The following CCSER2 variants were observed in gnomAD, a reference collection of about 807,000 sequenced individuals.
CCSER2 encodes the protein serine-rich coiled-coil domain-containing protein 2.
CCSER2 carries 46 observed loss-of-function variants against 92.3 expected under a neutral mutation model. The ratio of observed to expected loss-of-function variants is 0.50; its 90% CI spans 0.39 to 0.64. CCSER2 has a LOEUF of 0.64. Among genes scored for constraint, CCSER2 ranks in the 30% least tolerant of loss-of-function variants. CCSER2 has a pLI of 0.00. For missense variants in CCSER2, 1,244 were observed against 1,238.9 expected, an observed-to-expected ratio of 1.00 and a Z score of -0.06; for synonymous variants, 433 against 431.4, an observed-to-expected ratio of 1.00 and a Z score of -0.04.
intron 3 of CCSER2, among the ~76,000 whole-genome samples, chr10:84,385,253 A>G (rs1475504136): frequency 6.6e-6 from 1 of 152,130 alleles, no homozygotes; most frequent in African/African-American, 2.4e-5. Flanking sequence ...TAGAAAAAAC[A>G]ATCCTAAAAT....
intron 1 of CCSER2, among the ~76,000 whole-genome samples, chr10:84,352,669 C>T (rs1844929202): frequency 6.6e-6 from 1 of 152,080 alleles, no homozygotes; most frequent in Non-Finnish European, 1.5e-5. Context: ...GTCCTGATTC[C>T]TGACTCTCTA....
In CCSER2 at chr10:84,381,917, CAA is replaced by C. The variant is rs544545707; in HGVS notation, c.1614+8121_1614+8122del. Among the ~76,000 whole-genome samples the C allele has an allele frequency of 5.2e-3, 626 of 120,006 alleles. 4 individuals carry two copies. Among genetic ancestry groups the C allele is most frequent in the African/African-American group, 0.017 (575 of 33,244 alleles). 78.7% of individuals were successfully genotyped at this position (120,006 alleles called of 152,430 possible). On this transcript the variant is annotated intron_variant, in intron 3 of 9. Transcript: ENST00000372088. ...CCTGGGTGACAGAGCAAGGCTTTCT[CAA>C]AAAAAAAAAAAAAAAAAAGAACATC...
intron 9 of CCSER2, among the ~76,000 whole-genome samples, chr10:84,511,719 C>T (rs1849355358): frequency 6.6e-6 from 1 of 152,156 alleles, no homozygotes; most frequent in Non-Finnish European, 1.5e-5. Flanking sequence ...TATGGTCCTG[C>T]TCTATTTTTT....
chr10:84,488,889 T>A (rs1305900773), intron 9 of CCSER2, among the ~76,000 whole-genome samples: 1 of 152,216 alleles, frequency 6.6e-6, no homozygotes, highest in African/African-American at 2.4e-5. Flanking sequence ...GCTATAAATT[T>A]CCCTCTACAC....
Position 84,496,536 on chromosome 10 carries a change from C to T in CCSER2, c.2326-16913C>T, listed in dbSNP as rs12414682. Among the ~76,000 whole-genome samples the T allele has an allele frequency of 4.6e-3, 705 of 152,116 alleles. 22 individuals carry two copies. The highest frequency in any genetic ancestry group is 0.041 in the Admixed American group (632 of 15,292). On this transcript the variant is annotated intron_variant, in intron 9 of 9. Transcript: ENST00000372088. ...TCCTGACCTCGTGATCTGCCCGCCTCGGCCTCCCAAAGTGCTGGGATTACA... is the reference window on the plus strand; with the variant it reads ...TCCTGACCTCGTGATCTGCCCGCCTTGGCCTCCCAAAGTGCTGGGATTACA...
chr10:84,490,227 C>T (rs1347786035), intron 9 of CCSER2, among the ~76,000 whole-genome samples: 1 of 152,124 alleles, frequency 6.6e-6, no homozygotes, highest in African/African-American at 2.4e-5. Flanking sequence ...CTTGGAGTTG[C>T]TCTTCTCGAG....
intron 1 of CCSER2, among the ~76,000 whole-genome samples, chr10:84,341,819 C>T (rs1384357599): frequency 2.0e-5 from 3 of 152,124 alleles, no homozygotes; most frequent in African/African-American, 7.2e-5. Flanking sequence ...TTATGTTTGC[C>T]CATTTATTAA....
At chr10:84,435,110 A>G (rs1329541531) in intron 5 of CCSER2, among the ~76,000 whole-genome samples, 2 of 152,176 alleles carry the variant, frequency 1.3e-5, no homozygotes, top group Non-Finnish European at 2.9e-5. Flanking sequence ...CTCATGGTGG[A>G]GGTATTTGAA....
intron 1 of CCSER2, among the ~76,000 whole-genome samples, chr10:84,365,407 T>G (rs1024414974): frequency 6.6e-6 from 1 of 152,202 alleles, no homozygotes; most frequent in African/African-American, 2.4e-5. Flanking sequence ...TTCATGAACT[T>G]TTAAAGACAG....
chr10:84,445,891 G>T (rs1022554820), intron 6 of CCSER2, among the ~76,000 whole-genome samples: 1 of 152,002 alleles, frequency 6.6e-6, no homozygotes, highest in Non-Finnish European at 1.5e-5. Context: ...TGTTTATTAT[G>T]AACAGTTTTG....
At chr10:84,353,778 T>C (rs61865019) in intron 1 of CCSER2, among the ~76,000 whole-genome samples, 32,677 of 152,164 alleles carry the variant, frequency 0.21, 3,781 homozygotes, top group Admixed American at 0.35. Flanking sequence ...TGGAAGCCCA[T>C]GTTGATCTCA....
chr10:84,483,953 TTATATATA>T (rs57427963), intron 9 of CCSER2, among the ~76,000 whole-genome samples: 5,563 of 47,130 alleles, frequency 0.12, 171 homozygotes, highest in Non-Finnish European at 0.15. Flanking sequence ...CCCGGCTAAT[TTATATATA>T]TATATATATA....
intron 9 of CCSER2, among the ~76,000 whole-genome samples, chr10:84,489,391 C>T (rs11201063): frequency 0.076 from 11,557 of 152,136 alleles, 489 homozygotes; most frequent in South Asian, 0.17. Flanking sequence ...TTCTAGGTCT[C>T]TAAGGACTTG....
intron 3 of CCSER2, among the ~76,000 whole-genome samples, chr10:84,408,568 C>G (rs1448808603): frequency 6.6e-6 from 1 of 152,038 alleles, no homozygotes; most frequent in Non-Finnish European, 1.5e-5. Flanking sequence ...AGGCTCACTC[C>G]CATTCTTTGA....
chr10:84,372,202 G>C lies in CCSER2; in HGVS notation c.1150G>C (p.Asp384His), dbSNP rs774665507. Residue 384 changes from aspartate (D) to histidine (H), a missense_variant, in exon 2 of 10, where the codon GAT (aspartate) becomes CAT (histidine). By Grantham distance (81) the Asp-to-His change is moderately conservative. Transcript: ENST00000372088. ...RTKNNQTMKH[D>H]AKMRYLSDDV... ...AAAAAACAACCAGACCATGAAACAT[G>C]ATGCTAAAATGAGATACCTGAGTGA... 1.2e-6 allele frequency: 2 copies of C among 1,613,532 alleles called. No individual in the cohort carries two copies. The highest frequency in any genetic ancestry group is 1.1e-5 in the South Asian group (1 of 91,040).
rs945306719 is a variant in CCSER2, at chr10:84,514,250, A to G, written c.3127A>G (p.Lys1043Glu). The stretch of plus-strand genomic sequence containing the variant: ...CTCTAATCGATATTCTCGTCTTCCT[A>G]AACCAAAGATACATTAAGTACATAG... Reference protein sequence around the residue: ...LASNRYSRLPKPKIH With the variant: ...LASNRYSRLPEPKIH Residue 1043 changes from lysine (K) to glutamate (E), a missense_variant, in exon 10 of 10, where the codon AAA (lysine) becomes GAA (glutamate). Lys to Glu is a moderately conservative substitution (Grantham distance 56). Transcript: ENST00000372088. 2.6e-6 allele frequency: 4 copies of G among 1,535,650 alleles called. No individual in the cohort carries two copies. The African/African-American group carries it at 4.1e-5, about 16-fold the overall frequency.
intron 6 of CCSER2, among the ~76,000 whole-genome samples, chr10:84,446,737 T>A (rs564388086): frequency 6.6e-5 from 10 of 152,338 alleles, no homozygotes; most frequent in African/African-American, 2.4e-4. Flanking sequence ...CCTTCCTGAT[T>A]GCAGTACCTT....
intron 1 of CCSER2, among the ~76,000 whole-genome samples, chr10:84,338,084 C>G (rs919871088): frequency 1.3e-5 from 2 of 151,884 alleles, no homozygotes; most frequent in East Asian, 3.8e-4. Context: ...AGTTCGAGAC[C>G]AGCATGACCA....
At chr10:84,346,701 TA>T (rs1844497167) in intron 1 of CCSER2, among the ~76,000 whole-genome samples, 1 of 151,626 alleles carries the variant, frequency 6.6e-6, no homozygotes, top group African/African-American at 2.4e-5. Flanking sequence ...GAGCACATGC[TA>T]CTTCATGGGA....
Sources: gnomAD v4.1 joint callset for allele counts (sites outside exome capture counted in the v4.1 genomes callset) on GRCh38, gnomAD v4.1.1 for gene constraint, MANE v1.5 for transcripts, NCBI Gene and HGNC (gene_info 2026-07-23, HGNC 2026-07-21) for gene names.